Variants in UNC5A observed in about 807,000 individuals in gnomAD.
UNC5A encodes netrin receptor UNC5A.
UNC5A carries 20 observed loss-of-function variants against 87.4 expected under a neutral mutation model. The observed-to-expected ratio is 0.23, with a 90% CI of 0.16 to 0.33. The LOEUF is 0.33. Among genes scored for constraint, UNC5A ranks in the 10% least tolerant of loss-of-function variants. The pLI, the probability that UNC5A is intolerant of heterozygous loss-of-function variation, is 1.00. For synonymous variants in UNC5A, 438 were observed against 482.3 expected (o/e 0.91, Z 1.20); for missense variants, 844 against 1,133.4 (o/e 0.74, Z 3.67).
intron 1 of UNC5A, among the ~76,000 whole-genome samples, chr5:176,856,921 C>T (rs960116056): frequency 6.6e-6 from 1 of 152,226 alleles, no homozygotes; most frequent in Non-Finnish European, 1.5e-5. Flanking sequence ...TGACCAAACA[C>T]GTCTCGCCCT....
At chr5:176,829,999 C>T (rs1306349922) in intron 1 of UNC5A, among the ~76,000 whole-genome samples, 2 of 151,572 alleles carry the variant, frequency 1.3e-5, no homozygotes, top group Non-Finnish European at 2.9e-5. Flanking sequence ...CTTGGCCTCC[C>T]GAGTAGCTGG....
chr5:176,874,600 A>T lies in UNC5A; in HGVS notation c.1378+34A>T. Reference sequence around the variant, plus strand: ...GACCCCAGGGGGCTCTGAGAGCTCCACTTCCCTCCTGGAGGAGGACGGGAC... The same window carrying T: ...GACCCCAGGGGGCTCTGAGAGCTCCTCTTCCCTCCTGGAGGAGGACGGGAC... On this transcript the variant is annotated intron_variant, in intron 8 of 14. Transcript: ENST00000329542. This position sits in a 1 kb window ranked among gnomAD's most constrained non-coding sequence, Gnocchi z 7.6. 6.7e-7 allele frequency: 1 copy of T among 1,495,676 alleles called. No homozygotes were observed. Among genetic ancestry groups the T allele is most frequent in the South Asian group, 1.4e-5 (1 of 72,608 alleles). 92.7% of individuals were successfully genotyped at this position (1,495,676 alleles called of 1,614,324 possible).
At chr5:176,825,167 AC>A (rs1187165823) in intron 1 of UNC5A, among the ~76,000 whole-genome samples, 4 of 152,130 alleles carry the variant, frequency 2.6e-5, no homozygotes, top group African/African-American at 7.2e-5. Context: ...GAGTTGAGAG[AC>A]CCTTTCATAA....
chr5:176,862,995 G>A, intron 2 of UNC5A, 150 bp downstream of exon 2: 1 of 793,032 alleles, frequency 1.3e-6, no homozygotes, highest in Non-Finnish European at 2.0e-6. Context: ...TGGGGAGAAG[G>A]AGGGGGAGAG....
chr5:176,855,587 G>A (rs1230482390), intron 1 of UNC5A, among the ~76,000 whole-genome samples: 2 of 152,220 alleles, frequency 1.3e-5, no homozygotes, highest in Non-Finnish European at 2.9e-5. Flanking sequence ...CAGAACCCCT[G>A]AGAATTGCAC....
intron 13 of UNC5A, 25 bp downstream of exon 13, chr5:176,878,664 G>A (rs766457737): frequency 2.5e-5 from 40 of 1,596,378 alleles, no homozygotes; most frequent in East Asian, 4.5e-5. Flanking sequence ...CTGCCGCACC[G>A]CCGTGACGTG....
Position 176,878,372 on chromosome 5 carries a change from TAAG to T in UNC5A, c.1999_2001del (p.Lys667del), listed in dbSNP as rs1325432506. On this transcript the variant is annotated inframe_deletion, in exon 12 of 15. Coordinates refer to ENST00000329542, the MANE Select transcript of UNC5A (RefSeq NM_133369.3). ...ATGTGCCCAGCTCCCTGTGGAAGAG[TAAG>T]CTCCTTGTCAGCTACCAGGTGAGGG... is the stretch of plus-strand genomic sequence containing the variant. The T allele has an allele frequency of 6.2e-7, 1 of 1,613,514 alleles. No homozygotes were observed.
In UNC5A at chr5:176,878,100, C is replaced by T. The variant is rs1201880055; in HGVS notation, c.1842C>T (p.Cys614=). 1.2e-6 allele frequency: 2 copies of T among 1,609,498 alleles called. No homozygotes were observed. The highest frequency in any genetic ancestry group is 2.2e-5 in the East Asian group (1 of 44,874). Residue 614 remains cysteine, a synonymous_variant, in exon 11 of 15, where the codon TGC becomes TGT. Coordinates refer to ENST00000329542, the MANE Select transcript of UNC5A (RefSeq NM_133369.3). ...TSLEYNIRVY[C]LHDTHDALKE... ...TCGAGTACAACATCCGGGTCTACTG[C>T]CTGCATGACACCCACGATGCACTCA...
intron 3 of UNC5A, 90 bp downstream of exon 3, chr5:176,868,363 C>G: frequency 1.3e-6 from 2 of 1,577,082 alleles, no homozygotes; most frequent in South Asian, 2.2e-5. Flanking sequence ...AGAGGCGGTC[C>G]GGTCAGAAAA....
intron 1 of UNC5A, among the ~76,000 whole-genome samples, chr5:176,861,539 C>A (rs928229986): frequency 3.3e-5 from 5 of 152,216 alleles, no homozygotes. Context: ...GCGTATGTGC[C>A]CCTCGGTGGG....
intron 2 of UNC5A, among the ~76,000 whole-genome samples, chr5:176,864,515 G>C (rs1757923653): frequency 6.6e-6 from 1 of 152,188 alleles, no homozygotes; most frequent in Admixed American, 6.5e-5. Context: ...GTGCCATTTA[G>C]CCCCAGAACC....
At chr5:176,830,712 GTGTGCTGGCATGTA>G (rs1756991750) in intron 1 of UNC5A, among the ~76,000 whole-genome samples, 1 of 115,380 alleles carries the variant, frequency 8.7e-6, no homozygotes, top group Admixed American at 9.9e-5. Context: ...TGGCGCGTGT[GTGTGCTGGCATGTA>G]TGTGTGGGTG....
Position 176,870,461 on chromosome 5 carries a change from C to G in UNC5A, c.813C>G (p.Pro271=), listed in dbSNP as rs1370548336. 6.2e-7 allele frequency: 1 copy of G among 1,611,462 alleles called. No homozygotes were observed. Among genetic ancestry groups the G allele is most frequent in the South Asian group, 1.1e-5 (1 of 90,996 alleles). The change falls in exon 6 of 15, where the codon CCC becomes CCG. Residue 271 remains proline, a synonymous_variant. Transcript: ENST00000329542. The part of the protein sequence containing the change: ...WRSRECSDPA[P]RNGGEECQGT... ...GCCGTGAGTGCTCTGACCCAGCACC[C>G]CGCAACGGAGGGGAGGAGTGCCAGG...
chr5:176,870,688 C>G, intron 6 of UNC5A, 154 bp downstream of exon 6: 1 of 868,934 alleles, frequency 1.2e-6, no homozygotes, highest in Non-Finnish European at 1.7e-6. Flanking sequence ...CCTTAGCATA[C>G]CTGCACATGG....
chr5:176,869,139 G>A lies in UNC5A; in HGVS notation c.721+175G>A, dbSNP rs1318102952. On this transcript the variant is annotated intron_variant, in intron 5 of 14. Coordinates refer to ENST00000329542, the MANE Select transcript of UNC5A (RefSeq NM_133369.3). The surrounding 1 kb of genome is among the most constrained non-coding windows in gnomAD (Gnocchi z 9.1). ...GTGACTGCTGGGGGCCCAGGGGCAT[G>A]TCTGGGCAAAGGAGTGGGACAGATT... Among the ~76,000 whole-genome samples, 2 of 152,206 alleles carry A rather than the reference G, an allele frequency of 1.3e-5. No individual in the cohort carries two copies. The highest frequency in any genetic ancestry group is 2.9e-5 in the Non-Finnish European group (2 of 68,026).
intron 1 of UNC5A, among the ~76,000 whole-genome samples, chr5:176,854,493 G>C (rs1005097100): frequency 2.0e-5 from 3 of 152,180 alleles, no homozygotes; most frequent in Non-Finnish European, 2.9e-5. Context: ...AGCCACACTG[G>C]GCTCCTGCTC....
At chr5:176,832,480 C>G (rs1757053643) in intron 1 of UNC5A, among the ~76,000 whole-genome samples, 1 of 152,182 alleles carries the variant, frequency 6.6e-6, no homozygotes, top group African/African-American at 2.4e-5. Flanking sequence ...TTGAATCATG[C>G]CTCACTTTCC....
At position 176,831,883 on chromosome 5, in the gene UNC5A, C is replaced by T. The variant is rs866059230; in HGVS notation, c.70+21063C>T. ...TTTCACTTTCACACACTTTCTCTCT[C>T]TCTTTTTTTTTTTTTTTTTTTTTTT... is the stretch of plus-strand genomic sequence containing the variant. On this transcript the variant is annotated intron_variant, in intron 1 of 14. Transcript: ENST00000329542. Among the ~76,000 whole-genome samples, 258 of 115,156 alleles carry T rather than the reference C, an allele frequency of 2.2e-3. 2 individuals are homozygous for T. The highest frequency in any genetic ancestry group is 9.1e-3 in the African/African-American group (248 of 27,142). The allele number at this position is 115,156 out of a possible 152,430, so 75.5% of individuals were successfully genotyped here.
intron 1 of UNC5A, among the ~76,000 whole-genome samples, chr5:176,849,002 A>T (rs966326118): frequency 6.6e-6 from 1 of 152,232 alleles, no homozygotes; most frequent in East Asian, 1.9e-4. Flanking sequence ...GGCTCTGATG[A>T]GGAGGGTTCC....
Sources: allele counts gnomAD v4.1 joint callset (sites outside exome capture counted in the v4.1 genomes callset), GRCh38; gene constraint gnomAD v4.1.1; non-coding constraint Gnocchi (gnomAD v3.1); transcripts MANE v1.5; gene names NCBI Gene and HGNC (gene_info 2026-07-23, HGNC 2026-07-21).